The following ATP1A1 variants were observed in gnomAD, a reference collection of about 807,000 sequenced individuals.
The protein encoded by ATP1A1 is sodium/potassium-transporting ATPase subunit alpha-1.
Under a neutral mutation model 114.8 loss-of-function variants are expected in ATP1A1, and 14 were observed. That is an observed-to-expected ratio of 0.12 (90% CI 0.08 to 0.19). ATP1A1 has a LOEUF of 0.19. Ranked by LOEUF, ATP1A1 falls within the 10% of genes least tolerant of loss-of-function variation. The pLI is 1.00. For synonymous variants in ATP1A1, 471 were observed against 466.3 expected (o/e 1.01, Z -0.13); for missense variants, 524 against 1,290.7 (o/e 0.41, Z 9.10).
In ATP1A1 at chr1:116,399,837, C is replaced by T. The variant is rs1653282091; in HGVS notation, c.2572+294C>T. Among the ~76,000 whole-genome samples, 1 of 152,194 alleles carries T rather than the reference C, an allele frequency of 6.6e-6. No individual in the cohort carries two copies. The highest frequency in any genetic ancestry group is 1.5e-5 in the Non-Finnish European group (1 of 68,042). ...GGATGTCCTTCCTCACTGAGCCTTG[C>T]GGAACAGGAGGCATGGTTCTAAGGA... On this transcript the variant is annotated intron_variant, in intron 18 of 22. Coordinates refer to ENST00000295598, the MANE Select transcript of ATP1A1 (RefSeq NM_000701.8). The surrounding 1 kb of genome is among the most constrained non-coding windows in gnomAD (Gnocchi z 5.0).
chr1:116,375,611 A>G (rs1355960837), intron 1 of ATP1A1, among the ~76,000 whole-genome samples: 1 of 152,236 alleles, frequency 6.6e-6, no homozygotes, highest in Non-Finnish European at 1.5e-5. Context: ...GCTGGGTGGT[A>G]GTTAGCATTT....
At chr1:116,391,013 T>C (rs1652426247) in intron 10 of ATP1A1, 122 bp downstream of exon 10, 2 of 823,434 alleles carry the variant, frequency 2.4e-6, no homozygotes, top group African/African-American at 3.4e-5. Context: ...ACACCTGGAG[T>C]GGTCTGTGCA....
chr1:116,383,361 T>C (rs1651872808), intron 1 of ATP1A1: 3 of 1,048,382 alleles, frequency 2.9e-6, no homozygotes, highest in African/African-American at 3.5e-5. Flanking sequence ...ACTAAAGATA[T>C]TTAAATTTGA....
intron 21 of ATP1A1, among the ~76,000 whole-genome samples, chr1:116,402,439 C>T (rs1032239240): frequency 1.3e-5 from 2 of 152,174 alleles, no homozygotes; most frequent in African/African-American, 2.4e-5. Context: ...TGCTCAGACC[C>T]GTCTGGACCA....
intron 1 of ATP1A1, chr1:116,373,977 A>T: frequency 7.3e-7 from 1 of 1,376,572 alleles, no homozygotes; most frequent in South Asian, 1.7e-5. Flanking sequence ...CCGTGCCCTG[A>T]GGAAAGGCGC....
At position 116,389,624 on chromosome 1, in the gene ATP1A1, G is replaced by C. The variant is rs1307241673; in HGVS notation, c.940G>C (p.Glu314Gln). 6.2e-7 allele frequency: 1 copy of C among 1,614,130 alleles called. No homozygotes were observed. The highest frequency in any genetic ancestry group is 2.2e-5 in the East Asian group (1 of 44,874). Reference sequence around the variant, plus strand: ...TTTCTTCATCCTTTCTCTCATCCTTGAGTACACCTGGCTTGAGGCTGTCAT... The same window carrying C: ...TTTCTTCATCCTTTCTCTCATCCTTCAGTACACCTGGCTTGAGGCTGTCAT... The part of the protein sequence containing the change: ...VSFFILSLIL[E>Q]YTWLEAVIFL... Residue 314 changes from glutamate (E) to glutamine (Q), a missense_variant, in exon 8 of 23, where the codon GAG (glutamate) becomes CAG (glutamine). Coordinates refer to ENST00000295598, the MANE Select transcript of ATP1A1 (RefSeq NM_000701.8). The surrounding 1 kb of genome is among the most constrained non-coding windows in gnomAD (Gnocchi z 6.9).
chr1:116,404,327 G>GGT lies in ATP1A1; in HGVS notation c.3044-88_3044-87dup, dbSNP rs1653788686. The GGT allele has an allele frequency of 5.9e-6, 9 of 1,525,000 alleles. No individual in the cohort carries two copies. In the Admixed American group the frequency reaches 6.8e-5, roughly 12 times the overall value. The allele number at this position is 1,525,000 out of a possible 1,614,324, so 94.5% of individuals were successfully genotyped here. A position where few individuals can be genotyped will look rare whatever the true frequency, so the allele number is the denominator to read the frequency against. ...ACACACCCGACCCCCATCATCCTCC[G>GGT]GTTGGTTTTCATCCCTGTTTCCCTC... On this transcript the variant is annotated intron_variant, in intron 22 of 22. Transcript: ENST00000295598. This position sits in a 1 kb window ranked among gnomAD's most constrained non-coding sequence, Gnocchi z 4.8.
chr1:116,403,988 A>C lies in ATP1A1; in HGVS notation c.3043+13A>C. On this transcript the variant is annotated intron_variant, in intron 22 of 22. Transcript: ENST00000295598. ...CGACGCCCTGGCGGTAATTATGGGCATTCTGACTTTGGTTGGAGGAGGAGT... is the reference window on the plus strand; with the variant it reads ...CGACGCCCTGGCGGTAATTATGGGCCTTCTGACTTTGGTTGGAGGAGGAGT... 6.2e-7 allele frequency: 1 copy of C among 1,611,772 alleles called. No homozygotes were observed. Among genetic ancestry groups the C allele is most frequent in the Non-Finnish European group, 8.5e-7 (1 of 1,178,292 alleles).
rs2101074346 is a variant in ATP1A1, at chr1:116,404,580, A to AC, written c.*137dup. ...GCACCGCAGCATGTGGGGAAGCAAG[A>AC]CGTCCTGGAATGAAGCATGTAGCTC... On this transcript the variant is annotated 3_prime_UTR_variant, in exon 23 of 23. Transcript: ENST00000295598. This position sits in a 1 kb window ranked among gnomAD's most constrained non-coding sequence, Gnocchi z 4.8. 1 of 1,374,082 alleles carries AC rather than the reference A, an allele frequency of 7.3e-7. No homozygotes were observed. The highest frequency in any genetic ancestry group is 3.1e-5 in the East Asian group (1 of 31,976). The allele number at this position is 1,374,082 out of a possible 1,614,324, so 85.1% of individuals were successfully genotyped here.
At position 116,400,994 on chromosome 1, in the gene ATP1A1, C is replaced by T. The variant is rs150831106; in HGVS notation, c.2706C>T (p.Tyr902=). Residue 902 remains tyrosine (Y), a synonymous_variant, in exon 19 of 23, where the codon TAC becomes TAT. Coordinates refer to ENST00000295598, the MANE Select transcript of ATP1A1 (RefSeq NM_000701.8). ...DRWINDVEDS[Y]GQQWTYEQRK... is the part of the protein sequence containing the mutation. ...GGATCAACGATGTGGAAGACAGCTA[C>T]GGGCAGCAGTGGGTGAGTGGGCACC... 1,193 of 1,614,176 alleles carry T rather than the reference C, an allele frequency of 7.4e-4. 8 individuals carry two copies. The African/African-American group carries it at 0.012, about 16-fold the overall frequency.
intron 1 of ATP1A1, chr1:116,383,407 A>G: frequency 1.0e-6 from 1 of 959,380 alleles, no homozygotes; most frequent in Non-Finnish European, 1.3e-6. Context: ...AAGAATATAA[A>G]CAGTATAAAA....
chr1:116,392,703 C>G (rs1363278472), intron 10 of ATP1A1, 151 bp from the exon 11 acceptor site: 2 of 905,116 alleles, frequency 2.2e-6, no homozygotes, highest in African/African-American at 3.4e-5. Flanking sequence ...AGAGGGACTC[C>G]TGTCCCACTT....
At position 116,389,933 on chromosome 1, in the gene ATP1A1, CG is replaced by C; in HGVS notation, c.1023+227del. 1.3e-6 allele frequency: 1 copy of C among 763,802 alleles called. No individual in the cohort carries two copies. Among genetic ancestry groups the C allele is most frequent in the Admixed American group, 2.9e-5 (1 of 34,394 alleles). 47.3% of individuals were successfully genotyped at this position (763,802 alleles called of 1,614,324 possible). A position where few individuals can be genotyped will look rare whatever the true frequency, so the allele number is the denominator to read the frequency against. On this transcript the variant is annotated intron_variant, in intron 8 of 22. Transcript: ENST00000295598. The surrounding 1 kb of genome is among the most constrained non-coding windows in gnomAD (Gnocchi z 6.9). Reference sequence around the variant, plus strand: ...CATACATTTTGCTTTTAAATTATCACGTGGTCCTGAACAGTGCAGTGGAGAA... The same window carrying C: ...CATACATTTTGCTTTTAAATTATCACTGGTCCTGAACAGTGCAGTGGAGAA...
intron 1 of ATP1A1, chr1:116,373,793 C>T: frequency 8.2e-7 from 1 of 1,217,188 alleles, no homozygotes; most frequent in Non-Finnish European, 1.0e-6. Flanking sequence ...GCTGCGCGCC[C>T]CGGAGGCCGA....
At chr1:116,403,474 T>C (rs1310787594) in intron 21 of ATP1A1, among the ~76,000 whole-genome samples, 1 of 152,220 alleles carries the variant, frequency 6.6e-6, no homozygotes, top group Non-Finnish European at 1.5e-5. Context: ...CTGGCAGGTC[T>C]TTATCTTCAA....
Position 116,404,680 on chromosome 1 carries a change from CTT to C in ATP1A1, c.*240_*241del. ...GACAGCGGGGAAGGTTTTTATGTGC[CTT>C]TTTGTTTTTGTAAAAAAGGAACACC... On this transcript the variant is annotated 3_prime_UTR_variant, in exon 23 of 23. Coordinates refer to ENST00000295598, the MANE Select transcript of ATP1A1 (RefSeq NM_000701.8). This position sits in a 1 kb window ranked among gnomAD's most constrained non-coding sequence, Gnocchi z 4.8. The C allele has an allele frequency of 7.8e-7, 1 of 1,281,668 alleles. No individual in the cohort carries two copies. The highest frequency in any genetic ancestry group is 9.8e-7 in the Non-Finnish European group (1 of 1,019,098). 79.4% of individuals were successfully genotyped at this position (1,281,668 alleles called of 1,614,324 possible). A position where few individuals can be genotyped will look rare whatever the true frequency, so the allele number is the denominator to read the frequency against.
Position 116,401,640 on chromosome 1 carries a change from G to C in ATP1A1, c.2936G>C (p.Arg979Thr), listed in dbSNP as rs1287302513. ...TGCCCTGGAATGGGTGTTGCTCTTAGGATGTATCCCCTCAAGTAAGTTGAT... is the reference window on the plus strand; with the variant it reads ...TGCCCTGGAATGGGTGTTGCTCTTACGATGTATCCCCTCAAGTAAGTTGAT... ...SYCPGMGVAL[R>T]MYPLKPTWWF... The change falls in exon 21 of 23, where the codon AGG becomes ACG. Residue 979 changes from arginine to threonine, a missense_variant. By Grantham distance (71) the Arg-to-Thr change is moderately conservative. This residue lies in a region of ATP1A1 where 84 missense variants were observed against 209.3 expected (regional missense o/e 0.40). Transcript: ENST00000295598. The surrounding 1 kb of genome is among the most constrained non-coding windows in gnomAD (Gnocchi z 4.7). 6.2e-7 allele frequency: 1 copy of C among 1,614,070 alleles called. No homozygotes were observed. The highest frequency in any genetic ancestry group is 8.5e-7 in the Non-Finnish European group (1 of 1,180,038).
intron 1 of ATP1A1, among the ~76,000 whole-genome samples, chr1:116,383,020 T>G (rs1651847559): frequency 6.6e-6 from 1 of 152,192 alleles, no homozygotes; most frequent in Non-Finnish European, 1.5e-5. Flanking sequence ...AAGTTCAGGC[T>G]TTGTGTAGAT....
Position 116,389,901 on chromosome 1 carries a change from C to A in ATP1A1, c.1023+194C>A. 2 of 874,042 alleles carry A rather than the reference C, an allele frequency of 2.3e-6. No homozygotes were observed. The highest frequency in any genetic ancestry group is 3.4e-6 in the Non-Finnish European group (2 of 586,250). The allele number at this position is 874,042 out of a possible 1,614,324, so 54.1% of individuals were successfully genotyped here. A position where few individuals can be genotyped will look rare whatever the true frequency, so the allele number is the denominator to read the frequency against. On this transcript the variant is annotated intron_variant, in intron 8 of 22. Coordinates refer to ENST00000295598, the MANE Select transcript of ATP1A1 (RefSeq NM_000701.8). This position sits in a 1 kb window ranked among gnomAD's most constrained non-coding sequence, Gnocchi z 6.9. ...AGCATTTGTTTATACGTAAGATAAC[C>A]CCAAAGCATACATTTTGCTTTTAAA...
Sources: allele counts gnomAD v4.1 joint callset (sites outside exome capture counted in the v4.1 genomes callset), GRCh38; gene constraint gnomAD v4.1.1; regional missense constraint gnomAD v4.1.1; non-coding constraint Gnocchi (gnomAD v3.1); transcripts MANE v1.5; gene names NCBI Gene and HGNC (gene_info 2026-07-23, HGNC 2026-07-21).